Variants in CACNA1D observed in about 807,000 individuals in gnomAD.
CACNA1D encodes calcium voltage-gated channel subunit alpha1 D.
CACNA1D carries 55 observed loss-of-function variants against 257.1 expected under a neutral mutation model. The ratio of observed to expected loss-of-function variants is 0.21; its 90% CI spans 0.17 to 0.27. The LOEUF (loss-of-function observed/expected upper bound fraction) is 0.27. Ranked by LOEUF, CACNA1D falls within the 10% of genes least tolerant of loss-of-function variation. The pLI, the probability that CACNA1D is intolerant of heterozygous loss-of-function variation, is 1.00. For missense variants in CACNA1D, 1,876 were observed against 2,784.0 expected, an observed-to-expected ratio of 0.67 and a Z score of 7.34; for synonymous variants, 980 against 1,014.9, an observed-to-expected ratio of 0.97 and a Z score of 0.65.
chr3:53,633,626 T>C (rs901427449), intron 3 of CACNA1D, among the ~76,000 whole-genome samples: 1 of 152,180 alleles, frequency 6.6e-6, no homozygotes, highest in Non-Finnish European at 1.5e-5. Flanking sequence ...TCAGCTTGCC[T>C]CCTCCTGATT....
intron 14 of CACNA1D, 30 bp downstream of exon 14, chr3:53,724,029 A>C: frequency 6.4e-7 from 1 of 1,564,498 alleles, no homozygotes; most frequent in Non-Finnish European, 8.8e-7. Context: ...CCCGAAAAGC[A>C]CTTCGTGAGC....
intron 45 of CACNA1D, 114 bp from the exon 46 acceptor site, chr3:53,808,535 C>A: frequency 7.8e-7 from 1 of 1,285,004 alleles, no homozygotes; most frequent in Non-Finnish European, 1.1e-6. Context: ...TTGGACAAAC[C>A]GCATGCTTCT....
intron 3 of CACNA1D, among the ~76,000 whole-genome samples, chr3:53,588,226 G>A (rs1372684942): frequency 6.6e-6 from 1 of 152,172 alleles, no homozygotes; most frequent in Non-Finnish European, 1.5e-5. Flanking sequence ...GTCCTCCTCG[G>A]ATTTCAAGGG....
intron 29 of CACNA1D, 91 bp downstream of exon 29, chr3:53,753,773 C>A: frequency 1.3e-6 from 1 of 799,356 alleles, no homozygotes; most frequent in East Asian, 2.5e-5. Context: ...CTGAATTATG[C>A]TAAAGTGTTC....
At chr3:53,776,455 T>A in intron 35 of CACNA1D, 148 bp from the exon 36 acceptor site, 2 of 954,264 alleles carry the variant, frequency 2.1e-6, no homozygotes, top group South Asian at 3.1e-5. Context: ...ACTCTTTTCT[T>A]AAACATTCTC....
rs190600642 is a variant in CACNA1D, at chr3:53,528,787, T to G, written c.483+27067T>G. Among the ~76,000 whole-genome samples the G allele has an allele frequency of 2.6e-4, 40 of 152,294 alleles. 1 individual carries two copies. In the Middle Eastern group the frequency reaches 0.01, roughly 39 times the overall value. ...TTTTTGATTTTATTGCACATAGAAT[T>G]TTAAAAAGAATCTTCTAGTTGTTTA... On this transcript the variant is annotated intron_variant, in intron 3 of 47. Coordinates refer to ENST00000350061, the MANE Select transcript of CACNA1D (RefSeq NM_001128840.3).
At chr3:53,560,479 A>G (rs1169036318) in intron 3 of CACNA1D, among the ~76,000 whole-genome samples, 26 of 152,220 alleles carry the variant, frequency 1.7e-4, no homozygotes, top group Admixed American at 1.7e-3. Context: ...CATAATATGT[A>G]TCATGGAATT....
At chr3:53,740,448 T>A in intron 21 of CACNA1D, 109 bp downstream of exon 21, 3 of 795,044 alleles carry the variant, frequency 3.8e-6, no homozygotes, top group Non-Finnish European at 6.7e-6. Context: ...ATGTCTTCAC[T>A]GGTACTTTTG....
Position 53,622,342 on chromosome 3 carries a change from G to A in CACNA1D, c.484-28437G>A, listed in dbSNP as rs141940073. Among the ~76,000 whole-genome samples, 17 of 152,260 alleles carry A rather than the reference G, an allele frequency of 1.1e-4. 1 individual carries two copies. The highest frequency in any genetic ancestry group is 4.1e-4 in the African/African-American group (17 of 41,562). ...GGCCTGTGACCCAGCAATTTTATTC[G>A]TAGGTATTTGCCCAAGGGAAATAAA... is the stretch of plus-strand genomic sequence containing the variant. On this transcript the variant is annotated intron_variant, in intron 3 of 47. Transcript: ENST00000350061.
chr3:53,623,671 C>T (rs2093724434), intron 3 of CACNA1D, among the ~76,000 whole-genome samples: 1 of 152,242 alleles, frequency 6.6e-6, no homozygotes, highest in African/African-American at 2.4e-5. Flanking sequence ...AAACCCACCA[C>T]AGGAGCCTTT....
At position 53,495,024 on chromosome 3, in the gene CACNA1D, C is replaced by G; in HGVS notation, c.-143C>G. The G allele has an allele frequency of 4.3e-6, 2 of 461,474 alleles. No homozygotes were observed. The highest frequency in any genetic ancestry group is 4.4e-6 in the Non-Finnish European group (1 of 225,856). 28.6% of individuals were successfully genotyped at this position (461,474 alleles called of 1,614,324 possible). Reference sequence around the variant, plus strand: ...CTTATTTTCTGTTATTTGTCCCCGTCCCTCCCCACCCCCCTGCTGAAGCGA... The same window carrying G: ...CTTATTTTCTGTTATTTGTCCCCGTGCCTCCCCACCCCCCTGCTGAAGCGA... On this transcript the variant is annotated 5_prime_UTR_variant, in exon 1 of 48. Coordinates refer to ENST00000350061, the MANE Select transcript of CACNA1D (RefSeq NM_001128840.3). The surrounding 1 kb of genome is among the most constrained non-coding windows in gnomAD (Gnocchi z 5.1).
At chr3:53,669,666 G>C (rs988859949) in intron 7 of CACNA1D, among the ~76,000 whole-genome samples, 1 of 152,220 alleles carries the variant, frequency 6.6e-6, no homozygotes, top group African/African-American at 2.4e-5. Flanking sequence ...CCAATATGTA[G>C]AAAGGCACAC....
chr3:53,666,585 T>A, intron 7 of CACNA1D, 50 bp downstream of exon 7: 2 of 1,510,310 alleles, frequency 1.3e-6, no homozygotes, highest in Non-Finnish European at 1.8e-6. Context: ...CTTGGATAAG[T>A]GGGTTTTGTG....
intron 2 of CACNA1D, among the ~76,000 whole-genome samples, chr3:53,500,901 T>A (rs546207908): frequency 6.6e-6 from 1 of 152,340 alleles, no homozygotes; most frequent in East Asian, 1.9e-4. Context: ...TATGGCTTTT[T>A]AATTTAATTT....
intron 8 of CACNA1D, among the ~76,000 whole-genome samples, chr3:53,691,781 C>A (rs7618669): frequency 4.6e-3 from 209 of 44,954 alleles, no homozygotes; most frequent in Non-Finnish European, 7.0e-3. Flanking sequence ...TATATTATAT[C>A]TATAATATAT....
At chr3:53,541,503 G>A (rs756116266) in intron 3 of CACNA1D, among the ~76,000 whole-genome samples, 1 of 152,120 alleles carries the variant, frequency 6.6e-6, no homozygotes, top group African/African-American at 2.4e-5. Context: ...AAATGGGCGC[G>A]GAGAAGCCTG....
At chr3:53,692,829 G>A (rs1018825794) in intron 8 of CACNA1D, among the ~76,000 whole-genome samples, 5 of 152,140 alleles carry the variant, frequency 3.3e-5, no homozygotes, top group African/African-American at 7.2e-5. Flanking sequence ...AGGCTGAGGC[G>A]GGTGGATCCC....
intron 8 of CACNA1D, among the ~76,000 whole-genome samples, chr3:53,683,334 G>T (rs193232705): frequency 6.6e-6 from 1 of 152,160 alleles, no homozygotes; most frequent in Non-Finnish European, 1.5e-5. Flanking sequence ...CTTCAGAAAC[G>T]CCAGGCTTTA....
At chr3:53,625,975 A>G (rs2093753741) in intron 3 of CACNA1D, among the ~76,000 whole-genome samples, 1 of 152,114 alleles carries the variant, frequency 6.6e-6, no homozygotes, top group Non-Finnish European at 1.5e-5. Flanking sequence ...TTTACAGACT[A>G]GGCTGGGGTG....
Sources: allele counts gnomAD v4.1 joint callset (sites outside exome capture counted in the v4.1 genomes callset), GRCh38; gene constraint gnomAD v4.1.1; non-coding constraint Gnocchi (gnomAD v3.1); transcripts MANE v1.5; gene names NCBI Gene and HGNC (gene_info 2026-07-23, HGNC 2026-07-21).